CDK5RAP2: variants seen among roughly 807,000 people sequenced by gnomAD.
The protein encoded by CDK5RAP2 is CDK5 regulatory subunit associated protein 2.
In CDK5RAP2, 147 loss-of-function variants were observed where a neutral mutation model predicts 232.9. The ratio of observed to expected loss-of-function variants is 0.63; its 90% confidence interval spans 0.55 to 0.72. The LOEUF (loss-of-function observed/expected upper bound fraction) is 0.72. Among genes scored for constraint, CDK5RAP2 ranks in the 30% least tolerant of loss-of-function variants. The pLI is 0.00. For synonymous variants in CDK5RAP2, 833 were observed against 833.7 expected (o/e 1.00, Z 0.01); for missense variants, 2,195 against 2,231.5 (o/e 0.98, Z 0.33).
At chr9:120,457,983 T>A (rs999019289) in intron 20 of CDK5RAP2, among the ~76,000 whole-genome samples, 10 of 152,206 alleles carry the variant, frequency 6.6e-5, no homozygotes, top group Admixed American at 5.2e-4. Context: ...ATGTTTCTCC[T>A]TTTTTGTTTT....
At chr9:120,545,685 G>A (rs775665115) in intron 5 of CDK5RAP2, 29 bp downstream of exon 5, 4 of 1,576,958 alleles carry the variant, frequency 2.5e-6, no homozygotes, top group South Asian at 2.2e-5. Flanking sequence ...TGGGCGACTT[G>A]CAAGCTTTCA....
chr9:120,548,670 G>A (rs964723493), intron 4 of CDK5RAP2, among the ~76,000 whole-genome samples: 2 of 152,094 alleles, frequency 1.3e-5, no homozygotes, highest in Admixed American at 6.6e-5. Flanking sequence ...AAAAATGCCA[G>A]GTGTGGTGGT....
In CDK5RAP2 at chr9:120,443,737, G is replaced by A. The variant is rs760996290; in HGVS notation, c.3031C>T (p.Pro1011Ser). 6.2e-7 allele frequency: 1 copy of A among 1,614,006 alleles called. No homozygotes were observed. Reference sequence around the variant, plus strand: ...TCCTGGTAGGCTGCTCCCACAGGGGGCTGAGCTACAGGCAATCACAAAGAG... The same window carrying A: ...TCCTGGTAGGCTGCTCCCACAGGGGACTGAGCTACAGGCAATCACAAAGAG... Reference protein sequence around the residue: ...TPDKTLLNAQPPVGAAYQDSP... With the variant: ...TPDKTLLNAQSPVGAAYQDSP... Residue 1011 changes from proline (P) to serine (S), a missense_variant, in exon 23 of 38, where the codon CCC (proline) becomes TCC (serine). Physicochemically the swap from Pro to Ser is moderately conservative, Grantham distance 74 (BLOSUM62 -1). Coordinates refer to ENST00000349780, the MANE Select transcript of CDK5RAP2 (RefSeq NM_018249.6).
rs115664106 is a variant in CDK5RAP2, at chr9:120,464,787, G to C, written c.2106+3073C>G. Among the ~76,000 whole-genome samples, 318 of 152,270 alleles carry C rather than the reference G, an allele frequency of 2.1e-3. 2 individuals carry two copies. The highest frequency in any genetic ancestry group is 7.2e-3 in the African/African-American group (299 of 41,552). On this transcript the variant is annotated intron_variant, in intron 18 of 37. Coordinates refer to ENST00000349780, the MANE Select transcript of CDK5RAP2 (RefSeq NM_018249.6). ...ACCAAAAAAAAAAATTAAAATAGCT[G>C]TTTTACTGAGTGCATACCATATGCC...
chr9:120,562,898 C>A (rs2042512770), intron 3 of CDK5RAP2, among the ~76,000 whole-genome samples: 1 of 152,102 alleles, frequency 6.6e-6, no homozygotes, highest in South Asian at 2.1e-4. Flanking sequence ...AAATTTGGAG[C>A]TTTAGTATTC....
chr9:120,431,067 A>G (rs2035257125), intron 25 of CDK5RAP2, among the ~76,000 whole-genome samples: 1 of 152,166 alleles, frequency 6.6e-6, no homozygotes, highest in Admixed American at 6.5e-5. Context: ...AACAATGAGA[A>G]CACGTGGACA....
chr9:120,434,765 T>C (rs181804543), intron 25 of CDK5RAP2, among the ~76,000 whole-genome samples: 366 of 152,304 alleles, frequency 2.4e-3, no homozygotes, highest in African/African-American at 8.2e-3. Context: ...CGTCAAATAC[T>C]GCTGCAGTCT....
chr9:120,437,632 C>A (rs1402360175), intron 24 of CDK5RAP2, 105 bp from the exon 25 acceptor site: 14 of 827,472 alleles, frequency 1.7e-5, no homozygotes, highest in Non-Finnish European at 2.9e-5. Flanking sequence ...TAAAAGCCTG[C>A]AGCTGTACAA....
At chr9:120,470,796 G>A (rs1170838095) in intron 16 of CDK5RAP2, among the ~76,000 whole-genome samples, 1 of 151,658 alleles carries the variant, frequency 6.6e-6, no homozygotes, top group African/African-American at 2.4e-5. Flanking sequence ...TAATAGGAAG[G>A]GGAGAAGTGG....
chr9:120,530,053 A>G lies in CDK5RAP2; in HGVS notation c.750T>C (p.Pro250=). 1 of 1,613,542 alleles carries G rather than the reference A, an allele frequency of 6.2e-7. No homozygotes were observed. The highest frequency in any genetic ancestry group is 2.2e-5 in the East Asian group (1 of 44,882). Residue 250 remains proline (P), a synonymous_variant, in exon 8 of 38, where the codon CCT becomes CCC. Coordinates refer to ENST00000349780, the MANE Select transcript of CDK5RAP2 (RefSeq NM_018249.6). ...GCTCTCCAGATGACACATTCTCATC[A>G]GGACATGCCATCTGAGATTTCTCCT... ...LKEEKSQMAC[P]DENVSSGELR... is the part of the protein sequence containing the mutation.
chr9:120,516,472 A>T (rs927087112), intron 12 of CDK5RAP2, among the ~76,000 whole-genome samples: 3 of 152,068 alleles, frequency 2.0e-5, no homozygotes, highest in Non-Finnish European at 4.4e-5. Flanking sequence ...CATATGTAAC[A>T]AACCTGCACA....
intron 12 of CDK5RAP2, among the ~76,000 whole-genome samples, chr9:120,500,704 A>G (rs959955752): frequency 3.9e-5 from 6 of 152,246 alleles, no homozygotes; most frequent in Non-Finnish European, 5.9e-5. Context: ...ACATACACAC[A>G]TAAGCTCATT....
intron 20 of CDK5RAP2, among the ~76,000 whole-genome samples, chr9:120,455,753 CAAGA>C (rs2036736617): frequency 6.6e-6 from 1 of 150,464 alleles, no homozygotes; most frequent in Non-Finnish European, 1.5e-5. Context: ...AAAAAAAAAT[CAAGA>C]AAGGTGACTC....
intron 4 of CDK5RAP2, among the ~76,000 whole-genome samples, chr9:120,547,180 G>T (rs967925841): frequency 6.6e-5 from 10 of 151,892 alleles, no homozygotes; most frequent in Non-Finnish European, 1.3e-4. Flanking sequence ...AGTTGAGACG[G>T]GGTTTCGCCA....
intron 5 of CDK5RAP2, among the ~76,000 whole-genome samples, chr9:120,539,704 T>C (rs1025282141): frequency 6.6e-6 from 1 of 152,244 alleles, no homozygotes; most frequent in African/African-American, 2.4e-5. Flanking sequence ...TAATAAGTAA[T>C]GTTACGATAA....
chr9:120,519,034 G>T (rs1410918740), intron 11 of CDK5RAP2, among the ~76,000 whole-genome samples: 1 of 152,026 alleles, frequency 6.6e-6, no homozygotes, highest in Non-Finnish European at 1.5e-5. Flanking sequence ...AATTAGCCAG[G>T]CGTGGAGGTG....
intron 1 of CDK5RAP2, among the ~76,000 whole-genome samples, chr9:120,577,802 G>T (rs2043090517): frequency 6.6e-6 from 1 of 152,150 alleles, no homozygotes; most frequent in South Asian, 2.1e-4. Context: ...TTAAGTAGCA[G>T]AACTGGGATT....
Position 120,572,027 on chromosome 9 carries a change from C to A in CDK5RAP2, c.74G>T (p.Ser25Ile). 2 of 1,613,744 alleles carry A rather than the reference C, an allele frequency of 1.2e-6. No homozygotes were observed. The highest frequency in any genetic ancestry group is 1.3e-5 in the African/African-American group (1 of 75,020). ...TLSGCSGLVP[S>I]VPDDLDGINP... ...GATGCCATCCAGGTCATCTGGTACA[C>A]TGGGAACAAGGCCACTAGGAGAGAA... The change falls in exon 2 of 38, where the codon AGT becomes ATT. Residue 25 changes from serine (S) to isoleucine (I), a missense_variant. Coordinates refer to ENST00000349780, the MANE Select transcript of CDK5RAP2 (RefSeq NM_018249.6).
In CDK5RAP2 at chr9:120,487,443, G is replaced by T; in HGVS notation, c.1483-6C>A. ...AAATCTTTTTCATTGAATTTCTAAT[G>T]AAATAAAACAAATTCTAAGGAAATT... is the stretch of plus-strand genomic sequence containing the variant. On this transcript the variant is annotated splice_polypyrimidine_tract_variant and splice_region_variant and intron_variant, in intron 13 of 37. Coordinates refer to ENST00000349780, the MANE Select transcript of CDK5RAP2 (RefSeq NM_018249.6). 1 of 1,593,634 alleles carries T rather than the reference G, an allele frequency of 6.3e-7. No homozygotes were observed. Among genetic ancestry groups the T allele is most frequent in the African/African-American group, 1.3e-5 (1 of 74,262 alleles).
Sources: gnomAD v4.1 joint callset for allele counts (sites outside exome capture counted in the v4.1 genomes callset) on GRCh38, gnomAD v4.1.1 for gene constraint, MANE v1.5 for transcripts, NCBI Gene and HGNC (gene_info 2026-07-23, HGNC 2026-07-21) for gene names.